Variants in PRDM11 observed in about 807,000 individuals in gnomAD.
The protein encoded by PRDM11 is PR/SET domain 11, also known as PR domain-containing protein 11.
Under a neutral mutation model 97.8 loss-of-function variants are expected in PRDM11, and 20 were observed. The observed-to-expected ratio is 0.20, with a 90% CI of 0.14 to 0.30. The LOEUF (loss-of-function observed/expected upper bound fraction) is 0.30. Ranked by LOEUF, PRDM11 falls within the 10% of genes least tolerant of loss-of-function variation. PRDM11 has a pLI of 1.00. For missense variants in PRDM11, 1,139 were observed against 1,555.2 expected, an observed-to-expected ratio of 0.73 and a Z score of 4.50; for synonymous variants, 599 against 637.7, an observed-to-expected ratio of 0.94 and a Z score of 0.91.
chr11:45,126,865 T>C (rs1017242738), intron 1 of PRDM11, among the ~76,000 whole-genome samples: 28 of 152,338 alleles, frequency 1.8e-4, no homozygotes, highest in African/African-American at 6.5e-4. Context: ...CCGTATTTCC[T>C]GAATCTGAAT....
At chr11:45,217,007 A>G (rs1853974050) in intron 5 of PRDM11, among the ~76,000 whole-genome samples, 1 of 152,240 alleles carries the variant, frequency 6.6e-6, no homozygotes, top group African/African-American at 2.4e-5. Context: ...GTATTCTCCA[A>G]TCATAGTGCT....
chr11:45,167,759 CCA>C (rs34333065), intron 1 of PRDM11, among the ~76,000 whole-genome samples: 10,219 of 143,146 alleles, frequency 0.071, 423 homozygotes, highest in East Asian at 0.12. Context: ...TCATTTCACA[CCA>C]CACACACACA....
In PRDM11 at chr11:45,183,073, G is replaced by A; in HGVS notation, c.436G>A (p.Glu146Lys). The A allele has an allele frequency of 6.2e-7, 1 of 1,613,868 alleles. No homozygotes were observed. Among genetic ancestry groups the A allele is most frequent in the Non-Finnish European group, 8.5e-7 (1 of 1,179,944 alleles). The change falls in exon 4 of 8, where the codon GAG becomes AAG. Residue 146 changes from glutamate to lysine, a missense_variant. Around this residue, in one of 2 missense-constraint regions of PRDM11, gnomAD observed 429 missense variants for 510.3 expected, o/e 0.84. Coordinates refer to ENST00000683152, the MANE Select transcript of PRDM11 (RefSeq NM_001384648.1). ...CAAGGGCCACATCTTCGGCCCCTATGAGGGGCAGATCTCCACCCAGGACAA... is the reference window on the plus strand; with the variant it reads ...CAAGGGCCACATCTTCGGCCCCTATAAGGGGCAGATCTCCACCCAGGACAA... ...IPKGHIFGPY[E>K]GQISTQDKSA...
At chr11:45,180,810 GGGGCA>G (rs2135733201) in intron 1 of PRDM11, among the ~76,000 whole-genome samples, 1 of 151,246 alleles carries the variant, frequency 6.6e-6, no homozygotes, top group East Asian at 1.9e-4. Flanking sequence ...GGGCGGCCAC[GGGGCA>G]GGGGGCGGCG....
chr11:45,136,171 A>T lies in PRDM11; in HGVS notation c.96+40270A>T, dbSNP rs151336012. 6.1e-3 allele frequency among the ~76,000 whole-genome samples: 931 copies of T among 152,334 alleles called. 11 individuals carry two copies. The highest frequency in any genetic ancestry group is 0.021 in the African/African-American group (883 of 41,580). ...TAATAGCTTTGCCATTTTTCTGTAAACCTAAAATTGTTTTAAAACATAATA... is the reference window on the plus strand; with the variant it reads ...TAATAGCTTTGCCATTTTTCTGTAATCCTAAAATTGTTTTAAAACATAATA... On this transcript the variant is annotated intron_variant, in intron 1 of 6. Coordinates refer to the PRDM11 transcript ENST00000530656.
intron 1 of PRDM11, among the ~76,000 whole-genome samples, chr11:45,128,945 G>T (rs189452409): frequency 2.5e-4 from 38 of 152,172 alleles, no homozygotes; most frequent in African/African-American, 8.7e-4. Flanking sequence ...CAAATCAAAC[G>T]TAGTGACATA....
intron 1 of PRDM11, among the ~76,000 whole-genome samples, chr11:45,104,923 G>A (rs1852036095): frequency 6.6e-6 from 1 of 152,182 alleles, no homozygotes; most frequent in South Asian, 2.1e-4. Flanking sequence ...TCCTGGACAG[G>A]GGTCATGTAA....
chr11:45,224,566 C>T lies in PRDM11; in HGVS notation c.1092C>T (p.Asp364=). 1 of 1,614,060 alleles carries T rather than the reference C, an allele frequency of 6.2e-7. No individual in the cohort carries two copies. Among genetic ancestry groups the T allele is most frequent in the Non-Finnish European group, 8.5e-7 (1 of 1,180,020 alleles). The change falls in exon 7 of 8, where the codon GAC becomes GAT. Residue 364 remains aspartate (D), a synonymous_variant. Coordinates refer to ENST00000683152, the MANE Select transcript of PRDM11 (RefSeq NM_001384648.1). ...QNIGQTQGEG[D]WKVPQGVSKE... Reference sequence around the variant, plus strand: ...TAGGCCAGACCCAGGGGGAGGGGGACTGGAAGGTCCCCCAGGGGGTCTCCA... The same window carrying T: ...TAGGCCAGACCCAGGGGGAGGGGGATTGGAAGGTCCCCCAGGGGGTCTCCA...
intron 1 of PRDM11, among the ~76,000 whole-genome samples, chr11:45,168,086 C>T (rs1342535058): frequency 6.6e-6 from 1 of 152,150 alleles, no homozygotes; most frequent in Non-Finnish European, 1.5e-5. Context: ...ATTTAGATGA[C>T]TGTTGAGGTG....
At chr11:45,127,609 CCT>C (rs1335779359) in intron 1 of PRDM11, among the ~76,000 whole-genome samples, 2 of 152,160 alleles carry the variant, frequency 1.3e-5, no homozygotes, top group African/African-American at 2.4e-5. Context: ...TACTCCAGAC[CCT>C]GTTTGCCTGG....
intron 1 of PRDM11, among the ~76,000 whole-genome samples, chr11:45,125,980 T>C (rs1852561094): frequency 1.3e-5 from 2 of 152,206 alleles, no homozygotes; most frequent in Non-Finnish European, 2.9e-5. Flanking sequence ...AGTCTAAGTC[T>C]CTTTGTAGTT....
intron 1 of PRDM11, among the ~76,000 whole-genome samples, chr11:45,155,933 G>A (rs993881518): frequency 6.6e-6 from 1 of 152,146 alleles, no homozygotes. Flanking sequence ...CATGATGCTA[G>A]TGTTATTAGG....
rs1439096840 is a variant in PRDM11 at position 45,224,413 on chromosome 11, G to T, written c.939G>T (p.Leu313=). ...TCAAGGATGTTCTGGAGGCCTCACT[G>T]GAATCTGCGAAGGTGGAAGCCCACC... ...LIFKDVLEAS[L]ESAKVEAHQL... The change falls in exon 7 of 8, where the codon CTG becomes CTT. Residue 313 remains leucine, a synonymous_variant. Coordinates refer to ENST00000683152, the MANE Select transcript of PRDM11 (RefSeq NM_001384648.1). The T allele has an allele frequency of 1.9e-6, 3 of 1,614,064 alleles. No homozygotes were observed. In the East Asian group the frequency reaches 6.7e-5, roughly 36 times the overall value.
chr11:45,167,206 A>G (rs1852084798), intron 1 of PRDM11, among the ~76,000 whole-genome samples: 2 of 152,242 alleles, frequency 1.3e-5, no homozygotes, highest in Non-Finnish European at 2.9e-5. Flanking sequence ...CTTTTAAGTC[A>G]AGGTCTTATT....
intron 7 of PRDM11, 35 bp from the exon 8 acceptor site, chr11:45,225,960 C>T (rs1239195170): frequency 1.4e-6 from 2 of 1,450,324 alleles, no homozygotes; most frequent in Non-Finnish European, 1.8e-6. Context: ...TTTTCTCCCC[C>T]AGGTATAAAT....
chr11:45,227,058 C>A lies in PRDM11; in HGVS notation c.2433C>A (p.Thr811=). 5 of 1,533,944 alleles carry A rather than the reference C, an allele frequency of 3.3e-6. No individual in the cohort carries two copies. Among genetic ancestry groups the A allele is most frequent in the Non-Finnish European group, 3.5e-6 (4 of 1,146,738 alleles). The change falls in exon 8 of 8, where the codon ACC becomes ACA. Residue 811 remains threonine, a synonymous_variant. Transcript: ENST00000683152. This position sits in a 1 kb window ranked among gnomAD's most constrained non-coding sequence, Gnocchi z 8.0. The part of the protein sequence containing the change: ...LMCELRSTAA[T]LCEETEFLGD... ...GCGAGCTGCGGTCCACGGCGGCCAC[C>A]CTTTGTGAGGAGACAGAGTTCCTGG...
At chr11:45,116,552 T>G (rs1318249590) in intron 1 of PRDM11, among the ~76,000 whole-genome samples, 1 of 152,208 alleles carries the variant, frequency 6.6e-6, no homozygotes, top group Non-Finnish European at 1.5e-5. Flanking sequence ...TTGGTGAAAG[T>G]AGAAATCAGA....
rs765393494 is a variant in PRDM11, at chr11:45,224,573, G to T, written c.1099G>T (p.Val367Phe). 2.1e-5 allele frequency: 34 copies of T among 1,613,884 alleles called. 1 individual carries two copies. The Middle Eastern group carries it at 6.6e-4, about 31-fold the overall frequency. ...GQTQGEGDWK[V>F]PQGVSKEPGQ... ...GACCCAGGGGGAGGGGGACTGGAAG[G>T]TCCCCCAGGGGGTCTCCAAGGAGCC... The change falls in exon 7 of 8, where the codon GTC (valine) becomes TTC (phenylalanine). Residue 367 changes from valine to phenylalanine, a missense_variant. Physicochemically the swap from Val to Phe is conservative, Grantham distance 50. This residue lies in a region of PRDM11 where 429 missense variants were observed against 510.3 expected (regional missense o/e 0.84). Transcript: ENST00000683152.
intron 1 of PRDM11, among the ~76,000 whole-genome samples, chr11:45,169,584 A>G (rs139458732): frequency 2.3e-4 from 35 of 152,284 alleles, no homozygotes; most frequent in Non-Finnish European, 5.0e-4. Context: ...AAGTTTTTGA[A>G]TTTTTGCAAT....
Sources: gnomAD v4.1 joint callset for allele counts (sites outside exome capture counted in the v4.1 genomes callset) on GRCh38, gnomAD v4.1.1 for gene constraint, gnomAD v4.1.1 regional missense constraint, Gnocchi (gnomAD v3.1) non-coding constraint, MANE v1.5 for transcripts, NCBI Gene and HGNC (gene_info 2026-07-23, HGNC 2026-07-21) for gene names.